Variants in DSCAM observed in about 807,000 individuals in gnomAD.
The protein encoded by DSCAM is cell adhesion molecule DSCAM.
In DSCAM, 47 loss-of-function variants were observed where a neutral mutation model predicts 217.7. The observed-to-expected ratio is 0.22, with a 90% CI of 0.17 to 0.28. The LOEUF is 0.28. Among genes scored for constraint, DSCAM ranks in the 10% least tolerant of loss-of-function variants. The probability of loss-of-function intolerance (pLI) is 1.00; values close to 1 mark genes in which losing one functional copy is unlikely to be tolerated. For synonymous variants in DSCAM, 1,056 were observed against 1,015.3 expected (o/e 1.04, Z -0.76); for missense variants, 2,080 against 2,618.3 (o/e 0.79, Z 4.49).
intron 3 of DSCAM, among the ~76,000 whole-genome samples, chr21:40,532,193 T>C (rs1568883240): frequency 6.6e-6 from 1 of 152,140 alleles, no homozygotes; most frequent in African/African-American, 2.4e-5. Context: ...TAAAATACTT[T>C]ATACAAAGAA....
chr21:40,358,591 G>A (rs904931718), intron 4 of DSCAM, among the ~76,000 whole-genome samples: 2 of 152,148 alleles, frequency 1.3e-5, no homozygotes, highest in Admixed American at 6.5e-5. Context: ...CAGATCACAT[G>A]AGGTGAAGAG....
At position 40,156,287 on chromosome 21, in the gene DSCAM, C is replaced by CAGAGAGAGAG. The variant is rs749781848; in HGVS notation, c.3018+10921_3018+10930dup. Among the ~76,000 whole-genome samples the CAGAGAGAGAG allele has an allele frequency of 4.5e-3, 340 of 75,750 alleles. 16 individuals are homozygous for CAGAGAGAGAG. Among genetic ancestry groups the CAGAGAGAGAG allele is most frequent in the South Asian group, 0.01 (13 of 1,290 alleles). The allele number at this position is 75,750 out of a possible 152,430, so 49.7% of individuals were successfully genotyped here. ...GGAAGCTGTGACAGTCAAACTAAGACAGAGAGAGAGAGAGAGAGAGAGAGA... is the reference window on the plus strand; with the variant it reads ...GGAAGCTGTGACAGTCAAACTAAGACAGAGAGAGAGAGAGAGAGAGAGAGAGAGAGAGAGA... On this transcript the variant is annotated intron_variant, in intron 16 of 32. Transcript: ENST00000400454.
At chr21:40,142,012 G>T (rs2090297438) in intron 18 of DSCAM, among the ~76,000 whole-genome samples, 1 of 86,780 alleles carries the variant, frequency 1.2e-5, no homozygotes, top group Non-Finnish European at 2.8e-5. Flanking sequence ...TAAAGAACAA[G>T]GAAAAGAGAG....
intron 2 of DSCAM, among the ~76,000 whole-genome samples, chr21:40,700,417 G>T (rs559005202): frequency 6.6e-6 from 1 of 152,214 alleles, no homozygotes; most frequent in East Asian, 1.9e-4. Flanking sequence ...TGGATGTTGG[G>T]TTTCATCAAT....
chr21:40,450,831 A>G (rs1198050663), intron 3 of DSCAM, among the ~76,000 whole-genome samples: 1 of 152,236 alleles, frequency 6.6e-6, no homozygotes, highest in Non-Finnish European at 1.5e-5. Context: ...TAAGGAACGC[A>G]TATGTAAAAT....
intron 3 of DSCAM, among the ~76,000 whole-genome samples, chr21:40,526,953 T>C (rs1055810849): frequency 6.6e-6 from 1 of 152,140 alleles, no homozygotes; most frequent in Non-Finnish European, 1.5e-5. Flanking sequence ...CCCTGGCCTG[T>C]GTTCCTGAGC....
At chr21:40,035,394 AACAAAGATCAAAAGAG>A (rs2088599966) in intron 32 of DSCAM, among the ~76,000 whole-genome samples, 1 of 114,148 alleles carries the variant, frequency 8.8e-6, no homozygotes, top group African/African-American at 3.9e-5. Context: ...ACTTCAAACC[AACAAAGATCAAAAGAG>A]ACAAAGAAGG....
rs35167327 is a variant in DSCAM, at chr21:40,828,658, C to CTTTT, written c.43+17957_43+17960dup. ...CAGGAACCAGGGGACACCCCACCCT[C>CTTTT]TTTTTTTTTTTTTTTTTGAGACAGT... is the stretch of plus-strand genomic sequence containing the variant. On this transcript the variant is annotated intron_variant, in intron 1 of 32. Transcript: ENST00000400454. Among the ~76,000 whole-genome samples the CTTTT allele has an allele frequency of 3.0e-5, 4 of 132,470 alleles. 1 individual carries two copies. Among genetic ancestry groups the CTTTT allele is most frequent in the Non-Finnish European group, 1.6e-5 (1 of 63,386 alleles). The allele number at this position is 132,470 out of a possible 152,430, so 86.9% of individuals were successfully genotyped here. A position where few individuals can be genotyped will look rare whatever the true frequency, so the allele number is the denominator to read the frequency against.
intron 30 of DSCAM, among the ~76,000 whole-genome samples, chr21:40,046,517 G>T (rs2088843268): frequency 6.6e-6 from 1 of 152,132 alleles, no homozygotes; most frequent in African/African-American, 2.4e-5. Context: ...CGAAATGCTA[G>T]GAAAGAGGCC....
intron 15 of DSCAM, among the ~76,000 whole-genome samples, chr21:40,177,172 A>C (rs897094512): frequency 6.6e-6 from 1 of 152,230 alleles, no homozygotes; most frequent in Non-Finnish European, 1.5e-5. Context: ...TGAGGAAGTT[A>C]GTGGGTTGTT....
intron 3 of DSCAM, among the ~76,000 whole-genome samples, chr21:40,557,884 C>G (rs2076684832): frequency 6.6e-6 from 1 of 152,100 alleles, no homozygotes; most frequent in African/African-American, 2.4e-5. Context: ...CTCACTAGAC[C>G]ATACCAAGAA....
At chr21:40,361,665 G>A (rs375612329) in intron 4 of DSCAM, among the ~76,000 whole-genome samples, 14 of 152,056 alleles carry the variant, frequency 9.2e-5, no homozygotes, top group African/African-American at 2.9e-4. Context: ...ACAAAAAAGG[G>A]AAGCTATGTC....
chr21:40,490,711 C>A (rs1471276081), intron 3 of DSCAM, among the ~76,000 whole-genome samples: 1 of 152,188 alleles, frequency 6.6e-6, no homozygotes, highest in African/African-American at 2.4e-5. Flanking sequence ...AATGTGCTTT[C>A]TTTGCTTAGT....
At chr21:40,627,362 A>G (rs1487689843) in intron 3 of DSCAM, among the ~76,000 whole-genome samples, 1 of 152,232 alleles carries the variant, frequency 6.6e-6, no homozygotes, top group Non-Finnish European at 1.5e-5. Flanking sequence ...CAACTCTATG[A>G]AAACCACAAG....
At chr21:40,107,608 G>A (rs756650139) in intron 20 of DSCAM, among the ~76,000 whole-genome samples, 8 of 152,068 alleles carry the variant, frequency 5.3e-5, no homozygotes, top group African/African-American at 9.7e-5. Context: ...GGGTGTTAAA[G>A]TCTCCCACTG....
chr21:40,119,480 C>A (rs1017417689), intron 20 of DSCAM, among the ~76,000 whole-genome samples: 1 of 151,990 alleles, frequency 6.6e-6, no homozygotes, highest in Non-Finnish European at 1.5e-5. Context: ...ACTGACGGTT[C>A]TCTAAGATTG....
At position 40,264,028 on chromosome 21, in the gene DSCAM, A is replaced by G. The variant is rs375559959; in HGVS notation, c.2356+12069T>C. On this transcript the variant is annotated intron_variant, in intron 11 of 32. Transcript: ENST00000400454. ...ATAAATAGAAATCCTGATGAGACTAATAACAAGCAGTGATATTGAATCAGC... is the reference window on the plus strand; with the variant it reads ...ATAAATAGAAATCCTGATGAGACTAGTAACAAGCAGTGATATTGAATCAGC... Among the ~76,000 whole-genome samples the G allele has an allele frequency of 1.4e-4, 21 of 151,940 alleles. No individual in the cohort carries two copies. The South Asian group carries it at 4.3e-3, about 31-fold the overall frequency.
rs1420135826 is a variant in DSCAM, at chr21:40,201,632, G to C, written c.2357-12394C>G. ...GATTTTGTATTTTTAGTAGAGACGG[G>C]GTTTCTCCATGTTGGTCAGGTTGGT... On this transcript the variant is annotated intron_variant, in intron 11 of 32. Coordinates refer to ENST00000400454, the MANE Select transcript of DSCAM (RefSeq NM_001389.5). Among the ~76,000 whole-genome samples, 9 of 152,136 alleles carry C rather than the reference G, an allele frequency of 5.9e-5. No individual in the cohort carries two copies. The South Asian group carries it at 1.7e-3, about 28-fold the overall frequency.
chr21:40,528,898 CTTTTTTTTTTTTTT>C (rs911356584), intron 3 of DSCAM, among the ~76,000 whole-genome samples: 1 of 99,396 alleles, frequency 1.0e-5, no homozygotes, highest in East Asian at 3.5e-4. Flanking sequence ...AGGCTTTCCA[CTTTTTTTTTTTTTT>C]TTTTTTTTTG....
Sources: allele counts gnomAD v4.1 joint callset (sites outside exome capture counted in the v4.1 genomes callset), GRCh38; gene constraint gnomAD v4.1.1; transcripts MANE v1.5; gene names NCBI Gene and HGNC (gene_info 2026-07-23, HGNC 2026-07-21).